Variants in ZBTB7C observed in about 807,000 individuals in gnomAD.
ZBTB7C encodes the protein zinc finger and BTB domain-containing protein 7C.
A neutral mutation model predicts 25.7 loss-of-function variants in ZBTB7C; 8 were observed. The ratio of observed to expected loss-of-function variants is 0.31; its 90% confidence interval spans 0.18 to 0.56. The LOEUF (loss-of-function observed/expected upper bound fraction) is 0.56. Among genes scored for constraint, ZBTB7C ranks in the 20% least tolerant of loss-of-function variants. ZBTB7C has a pLI of 0.91. For missense variants in ZBTB7C, 824 were observed against 855.2 expected, an observed-to-expected ratio of 0.96 and a Z score of 0.46; for synonymous variants, 394 against 369.0, an observed-to-expected ratio of 1.07 and a Z score of -0.78.
intron 2 of ZBTB7C, among the ~76,000 whole-genome samples, chr18:48,220,767 T>C (rs1031763419): frequency 4.0e-5 from 6 of 151,870 alleles, no homozygotes; most frequent in Non-Finnish European, 7.4e-5. Flanking sequence ...ATAGAAAGAG[T>C]CCAAGGAAGC....
intron 2 of ZBTB7C, among the ~76,000 whole-genome samples, chr18:48,207,068 A>G (rs2042591925): frequency 6.6e-6 from 1 of 152,242 alleles, no homozygotes; most frequent in South Asian, 2.1e-4. Context: ...GAGGATATCG[A>G]AATGGTGAAT....
chr18:48,225,217 G>A (rs1187074630), intron 2 of ZBTB7C, among the ~76,000 whole-genome samples: 2 of 151,938 alleles, frequency 1.3e-5, no homozygotes, highest in Admixed American at 1.3e-4. Context: ...GGGCTAACCT[G>A]ACATTATTGG....
chr18:48,184,648 A>G (rs768864864), intron 3 of ZBTB7C, among the ~76,000 whole-genome samples: 10 of 151,998 alleles, frequency 6.6e-5, no homozygotes, highest in Non-Finnish European at 1.5e-4. Flanking sequence ...GCTGCCCCTC[A>G]TCCTGAGCAC....
Position 48,040,963 on chromosome 18 carries a change from G to A in ZBTB7C, c.145C>T (p.Arg49Cys), listed in dbSNP as rs1598760357. ...VVQEQEYRTHRSVLAACSKYF... is the reference protein window; with the variant it reads ...VVQEQEYRTHCSVLAACSKYF... ...TTGCTGCAGGCAGCCAGGACGGAGC[G>A]GTGGGTCCGATACTCCTGCTCCTGC... is the stretch of plus-strand genomic sequence containing the variant. Residue 49 changes from arginine to cysteine, a missense_variant, in exon 4 of 5, where the codon CGC (arginine) becomes TGC (cysteine). Physicochemically the swap from Arg to Cys is radical, Grantham distance 180. This residue lies in a region of ZBTB7C where 117 missense variants were observed against 167.7 expected (regional missense o/e 0.70). Transcript: ENST00000590800. 4 of 1,614,148 alleles carry A rather than the reference G, an allele frequency of 2.5e-6. No homozygotes were observed. Among genetic ancestry groups the A allele is most frequent in the Non-Finnish European group, 3.4e-6 (4 of 1,180,026 alleles).
At chr18:48,099,726 G>A (rs2038764361) in intron 3 of ZBTB7C, among the ~76,000 whole-genome samples, 1 of 152,186 alleles carries the variant, frequency 6.6e-6, no homozygotes, top group Non-Finnish European at 1.5e-5. Flanking sequence ...GTTCTCAATT[G>A]GCCCCTCAGA....
chr18:48,045,823 A>T (rs948115732), intron 3 of ZBTB7C, among the ~76,000 whole-genome samples: 1 of 152,210 alleles, frequency 6.6e-6, no homozygotes, highest in Non-Finnish European at 1.5e-5. Flanking sequence ...AATGCTTAGC[A>T]CAGTCCTGAC....
chr18:48,319,138 G>A lies in ZBTB7C; in HGVS notation c.-79+19036C>T, dbSNP rs948071552. ...TGTGTGTGTGTGTGTGTGTGTGTGT[G>A]TGTAACCTTGATTTGTAACCAAATC... On this transcript the variant is annotated intron_variant, in intron 2 of 4. Transcript: ENST00000590800. 6.6e-5 allele frequency among the ~76,000 whole-genome samples: 10 copies of A among 152,146 alleles called. No homozygotes were observed. The South Asian group carries it at 1.7e-3, about 25-fold the overall frequency.
chr18:48,091,405 T>C (rs777612803), intron 3 of ZBTB7C, among the ~76,000 whole-genome samples: 68 of 152,036 alleles, frequency 4.5e-4, no homozygotes, highest in Non-Finnish European at 8.2e-4. Context: ...TTGAGATGTA[T>C]CAATAATAAG....
At chr18:48,030,015 A>G in intron 4 of ZBTB7C, 104 bp from the exon 5 acceptor site, 1 of 1,481,572 alleles carries the variant, frequency 6.7e-7, no homozygotes, top group Non-Finnish European at 9.2e-7. Flanking sequence ...CCCTACTGCC[A>G]TGGAGTCAAA....
At chr18:48,378,684 GA>G (rs2047573808) in intron 1 of ZBTB7C, among the ~76,000 whole-genome samples, 1 of 151,560 alleles carries the variant, frequency 6.6e-6, no homozygotes, top group Non-Finnish European at 1.5e-5. Context: ...ACTGCAGGAA[GA>G]AAAAAAACTT....
At chr18:48,143,694 G>C (rs1267649447) in intron 3 of ZBTB7C, among the ~76,000 whole-genome samples, 3 of 152,108 alleles carry the variant, frequency 2.0e-5, no homozygotes, top group Non-Finnish European at 2.9e-5. Context: ...TAACAAAAAT[G>C]CTGCTAAGTC....
chr18:48,316,111 G>A (rs1303250234), intron 2 of ZBTB7C, among the ~76,000 whole-genome samples: 1 of 152,014 alleles, frequency 6.6e-6, no homozygotes, highest in Non-Finnish European at 1.5e-5. Context: ...CCCGGCTCCT[G>A]CTGGGCTTAA....
intron 2 of ZBTB7C, among the ~76,000 whole-genome samples, chr18:48,327,676 C>A (rs993866984): frequency 1.3e-5 from 2 of 152,090 alleles, no homozygotes; most frequent in African/African-American, 4.8e-5. Context: ...GAGGGCAGGG[C>A]CCTCAGCTGA....
intron 1 of ZBTB7C, among the ~76,000 whole-genome samples, chr18:48,388,408 G>A (rs894251487): frequency 1.3e-5 from 2 of 151,906 alleles, no homozygotes; most frequent in Non-Finnish European, 2.9e-5. Context: ...TATGTTTCCC[G>A]CAGACTTCCC....
chr18:48,295,538 C>T lies in ZBTB7C; in HGVS notation c.-79+42636G>A, dbSNP rs547130979. Among the ~76,000 whole-genome samples the T allele has an allele frequency of 1.5e-3, 235 of 152,200 alleles. 1 individual carries two copies. Among genetic ancestry groups the T allele is most frequent in the Non-Finnish European group, 9.1e-4 (62 of 68,012 alleles). On this transcript the variant is annotated intron_variant, in intron 2 of 4. Coordinates refer to ENST00000590800, the MANE Select transcript of ZBTB7C (RefSeq NM_001318841.2). ...CGCCTGGCCTTCTAGGACCCAAGCC[C>T]AAGAGGACTCAGGCTAAGATTGTTT...
At chr18:48,048,449 G>A (rs774546858) in intron 3 of ZBTB7C, among the ~76,000 whole-genome samples, 1 of 152,120 alleles carries the variant, frequency 6.6e-6, no homozygotes, top group Non-Finnish European at 1.5e-5. Context: ...GGAGGTTGAG[G>A]GTGAGGTCCC....
At chr18:48,176,942 C>T (rs1045042918) in intron 3 of ZBTB7C, among the ~76,000 whole-genome samples, 6 of 152,344 alleles carry the variant, frequency 3.9e-5, no homozygotes, top group East Asian at 1.9e-4. Flanking sequence ...CTTGACCTCT[C>T]GCGTCTCTGC....
chr18:48,051,396 G>A (rs957220318), intron 3 of ZBTB7C, among the ~76,000 whole-genome samples: 11 of 152,170 alleles, frequency 7.2e-5, no homozygotes, highest in African/African-American at 1.9e-4. Flanking sequence ...GACCCCCTTC[G>A]TCTATGTAGA....
intron 3 of ZBTB7C, chr18:48,150,581 C>CAAAAAAA (rs1362784084): frequency 1.2e-5 from 1 of 86,782 alleles, no homozygotes. Context: ...GACTCCATCT[C>CAAAAAAA]AAAAAAAAAA....
Sources: allele counts gnomAD v4.1 joint callset (sites outside exome capture counted in the v4.1 genomes callset), GRCh38; gene constraint gnomAD v4.1.1; regional missense constraint gnomAD v4.1.1; transcripts MANE v1.5; gene names NCBI Gene and HGNC (gene_info 2026-07-23, HGNC 2026-07-21).